CALN1: variants seen among roughly 807,000 people sequenced by gnomAD.
The protein encoded by CALN1 is calneuron 1.
CALN1 carries 17 observed loss-of-function variants against 30.6 expected under a neutral mutation model. The ratio of observed to expected loss-of-function variants is 0.56; its 90% CI spans 0.38 to 0.83. The LOEUF is 0.83. Among genes scored for constraint, CALN1 ranks in the 40% least tolerant of loss-of-function variants. The pLI is 0.00. For synonymous variants in CALN1, 156 were observed against 131.4 expected, an observed-to-expected ratio of 1.19 and a Z score of -1.28; for missense variants, 291 against 354.9, an observed-to-expected ratio of 0.82 and a Z score of 1.45.
At position 72,007,427 on chromosome 7, in the gene CALN1, G is replaced by C. The variant is rs929714861; in HGVS notation, c.501+16230C>G. The stretch of plus-strand genomic sequence containing the variant: ...CTGGGTATGGTGGCGGGCACCTGTA[G>C]TCCCAGCTACTTGGGAGGCTGAAGC... On this transcript the variant is annotated intron_variant, in intron 5 of 6. Transcript: ENST00000395275. Among the ~76,000 whole-genome samples the C allele has an allele frequency of 5.3e-5, 8 of 152,126 alleles. 1 individual carries two copies. The highest frequency in any genetic ancestry group is 5.2e-4 in the Admixed American group (8 of 15,280).
intron 3 of CALN1, among the ~76,000 whole-genome samples, chr7:72,180,243 A>G (rs1789666317): frequency 6.6e-6 from 1 of 152,206 alleles, no homozygotes; most frequent in Non-Finnish European, 1.5e-5. Context: ...TTTCATGAAG[A>G]CAACTTCATA....
At chr7:72,027,153 T>C (rs901395425) in intron 4 of CALN1, among the ~76,000 whole-genome samples, 1 of 152,186 alleles carries the variant, frequency 6.6e-6, no homozygotes, top group African/African-American at 2.4e-5. Flanking sequence ...ACAGTGTATC[T>C]GTACAAAATT....
intron 3 of CALN1, among the ~76,000 whole-genome samples, chr7:72,177,475 G>A (rs183521522): frequency 1.5e-4 from 23 of 152,090 alleles, no homozygotes; most frequent in Admixed American, 1.4e-3. Context: ...ATTACAATAG[G>A]ACATTTGGGC....
intron 2 of CALN1, among the ~76,000 whole-genome samples, chr7:72,282,075 G>A (rs936258384): frequency 1.3e-5 from 2 of 152,164 alleles, no homozygotes; most frequent in African/African-American, 2.4e-5. Context: ...TCATGTTCAA[G>A]AAAGGGAAGA....
intron 5 of CALN1, among the ~76,000 whole-genome samples, chr7:71,946,378 T>A (rs1239275576): frequency 6.7e-6 from 1 of 150,358 alleles, no homozygotes; most frequent in Admixed American, 6.6e-5. Context: ...TTTTTTTTTT[T>A]TTTTTTTGAG....
intron 5 of CALN1, among the ~76,000 whole-genome samples, chr7:71,872,114 A>G (rs1211425074): frequency 1.3e-5 from 2 of 152,250 alleles, no homozygotes; most frequent in African/African-American, 2.4e-5. Context: ...TGTGTTGGAC[A>G]TAGTAGGTCT....
intron 4 of CALN1, among the ~76,000 whole-genome samples, chr7:72,069,264 A>C (rs1466911825): frequency 6.6e-6 from 1 of 152,238 alleles, no homozygotes; most frequent in African/African-American, 2.4e-5. Context: ...ACACCAACCT[A>C]ATGGGACACT....
chr7:72,051,039 A>AATAT (rs1168800695), intron 4 of CALN1, among the ~76,000 whole-genome samples: 6 of 136,724 alleles, frequency 4.4e-5, no homozygotes, highest in African/African-American at 1.6e-4. Flanking sequence ...TAAATAAATA[A>AATAT]ATATTTTGTT....
chr7:72,131,024 C>T lies in CALN1; in HGVS notation c.245-24730G>A, dbSNP rs911110049. On this transcript the variant is annotated intron_variant, in intron 3 of 6. Transcript: ENST00000395275. Reference sequence around the variant, plus strand: ...AGCCCTCTTCCTTTGACAATCACACCTCTTGGTGTACTAAGCACCCATGGG... The same window carrying T: ...AGCCCTCTTCCTTTGACAATCACACTTCTTGGTGTACTAAGCACCCATGGG... 1.3e-5 allele frequency among the ~76,000 whole-genome samples: 2 copies of T among 152,136 alleles called. 1 individual carries two copies. The highest frequency in any genetic ancestry group is 2.9e-5 in the Non-Finnish European group (2 of 68,032).
chr7:72,193,203 A>AG (rs1790754017), intron 3 of CALN1, among the ~76,000 whole-genome samples: 1 of 148,232 alleles, frequency 6.7e-6, no homozygotes, highest in African/African-American at 2.5e-5. Context: ...AAAAGAAAAG[A>AG]GAAAAAAAAA....
At chr7:72,346,640 C>T (rs1007846775) in intron 2 of CALN1, among the ~76,000 whole-genome samples, 1 of 151,956 alleles carries the variant, frequency 6.6e-6, no homozygotes, top group African/African-American at 2.4e-5. Context: ...CTCAGCCTCC[C>T]GAGTAGTTGG....
intron 4 of CALN1, among the ~76,000 whole-genome samples, chr7:72,083,657 A>C (rs1805300056): frequency 6.6e-6 from 1 of 152,216 alleles, no homozygotes; most frequent in Non-Finnish European, 1.5e-5. Context: ...ACAGTGGCTC[A>C]CACCTGTAAT....
chr7:72,411,559 TAAA>T (rs1807149465), intron 1 of CALN1, among the ~76,000 whole-genome samples: 1 of 152,194 alleles, frequency 6.6e-6, no homozygotes, highest in African/African-American at 2.4e-5. Flanking sequence ...GTCAAGGTAA[TAAA>T]ACTCAGGCAA....
At chr7:72,129,598 G>A (rs1357657280) in intron 3 of CALN1, among the ~76,000 whole-genome samples, 3 of 152,122 alleles carry the variant, frequency 2.0e-5, no homozygotes, top group Non-Finnish European at 2.9e-5. Flanking sequence ...AATTACAGAC[G>A]AAATGATATA....
At chr7:71,969,649 C>T (rs1359330598) in intron 5 of CALN1, among the ~76,000 whole-genome samples, 2 of 152,072 alleles carry the variant, frequency 1.3e-5, no homozygotes, top group Non-Finnish European at 2.9e-5. Context: ...AAAAGGTAAA[C>T]AGGATGGTAC....
chr7:72,354,353 T>A (rs532758046), intron 2 of CALN1, among the ~76,000 whole-genome samples: 2 of 152,212 alleles, frequency 1.3e-5, no homozygotes, highest in African/African-American at 4.8e-5. Context: ...GATTAGAGGT[T>A]TGATAATTTT....
In CALN1 at chr7:72,397,104, T is replaced by C. The variant is rs115029263; in HGVS notation, c.119+6147A>G. Among the ~76,000 whole-genome samples the C allele has an allele frequency of 5.7e-3, 868 of 151,748 alleles. 10 individuals are homozygous for C. The highest frequency in any genetic ancestry group is 0.02 in the African/African-American group (820 of 41,326). On this transcript the variant is annotated intron_variant, in intron 2 of 6. Transcript: ENST00000395275. ...TTTTTTTAGTTTTGCAGAGATGGAG[T>C]CTCACTATGTTGCCCAGGCTGGTCT...
chr7:72,209,434 T>C (rs1344041801), intron 3 of CALN1, among the ~76,000 whole-genome samples: 3 of 132,066 alleles, frequency 2.3e-5, no homozygotes, highest in African/African-American at 9.1e-5. Context: ...CCTTCCCTCC[T>C]TCCCTCCTTC....
chr7:72,315,208 G>A (rs544166642), intron 2 of CALN1, among the ~76,000 whole-genome samples: 1 of 151,624 alleles, frequency 6.6e-6, no homozygotes, highest in Non-Finnish European at 1.5e-5. Flanking sequence ...AAGAAATAAA[G>A]GGATAAAGAG....
Sources: gnomAD v4.1 joint callset for allele counts (sites outside exome capture counted in the v4.1 genomes callset) on GRCh38, gnomAD v4.1.1 for gene constraint, MANE v1.5 for transcripts, NCBI Gene and HGNC (gene_info 2026-07-23, HGNC 2026-07-21) for gene names.